RBPMS2: variants seen among roughly 807,000 people sequenced by gnomAD.
The protein encoded by RBPMS2 is RNA binding protein, mRNA processing factor 2, also known as RNA-binding protein with multiple splicing 2.
A neutral mutation model predicts 25.7 loss-of-function variants in RBPMS2; 14 were observed. That is an observed-to-expected ratio of 0.55 (90% CI 0.36 to 0.85). The LOEUF (loss-of-function observed/expected upper bound fraction) is 0.85, where lower values mean the gene tolerates loss of function less well. Ranked by LOEUF, RBPMS2 falls within the 40% of genes least tolerant of loss-of-function variation. The pLI is 0.01. For missense variants in RBPMS2, 252 were observed against 283.4 expected (o/e 0.89, Z 0.80); for synonymous variants, 127 against 115.6 (o/e 1.10, Z -0.63).
At chr15:64,766,475 C>T (rs1567070730) in intron 1 of RBPMS2, among the ~76,000 whole-genome samples, 3 of 151,454 alleles carry the variant, frequency 2.0e-5, no homozygotes, top group Non-Finnish European at 2.9e-5. Flanking sequence ...AGGCAGTGGA[C>T]GGGTTCTGGC....
intron 1 of RBPMS2, among the ~76,000 whole-genome samples, chr15:64,760,307 G>A (rs1334411052): frequency 6.6e-6 from 1 of 152,220 alleles, no homozygotes; most frequent in African/African-American, 2.4e-5. Flanking sequence ...CACCAGAAGC[G>A]TGTCTCCCTC....
intron 6 of RBPMS2, among the ~76,000 whole-genome samples, chr15:64,745,848 CTG>C (rs1213688059): frequency 2.0e-5 from 3 of 152,198 alleles, no homozygotes; most frequent in Admixed American, 2.0e-4. Context: ...GGCTGGGCTA[CTG>C]GCAAAGGGCA....
At chr15:64,743,886 CTT>C (rs763688996) in intron 6 of RBPMS2, among the ~76,000 whole-genome samples, 3 of 152,120 alleles carry the variant, frequency 2.0e-5, no homozygotes, top group African/African-American at 7.2e-5. Context: ...GGGCGGATCT[CTT>C]GAGCCCAGAA....
chr15:64,748,440 A>G lies in RBPMS2; in HGVS notation c.546T>C (p.Ala182=), dbSNP rs746509280. The G allele has an allele frequency of 1.2e-6, 2 of 1,613,998 alleles. No homozygotes were observed. The highest frequency in any genetic ancestry group is 1.7e-6 in the Non-Finnish European group (2 of 1,179,956). ...TTACCTGAGCGTGGAGGGCGGCGGC[A>G]GCGGCAGTGGCAGTTGGGTAGGTGA... ...AAFTYPTATA[A]AAALHAQVRW... is the part of the protein sequence containing the mutation. Residue 182 remains alanine (A), a synonymous_variant, in exon 6 of 8, where the codon GCT becomes GCC. Transcript: ENST00000300069.
At position 64,749,036 on chromosome 15, in the gene RBPMS2, G is replaced by C; in HGVS notation, c.382C>G (p.Pro128Ala). 1 of 1,614,180 alleles carries C rather than the reference G, an allele frequency of 6.2e-7. No homozygotes were observed. The highest frequency in any genetic ancestry group is 1.7e-5 in the Admixed American group (1 of 60,024). Residue 128 changes from proline to alanine, a missense_variant, in exon 5 of 8, where the codon CCC becomes GCC. Transcript: ENST00000300069. Reference sequence around the variant, plus strand: ...GCGATGAAGTGTGCTCCTAGGGCGGGGTGCACGTTGCTGGGATTTGGAGTT... The same window carrying C: ...GCGATGAAGTGTGCTCCTAGGGCGGCGTGCACGTTGCTGGGATTTGGAGTT... ...MATPNPSNVH[P>A]ALGAHFIARD...
At chr15:64,751,694 A>G in intron 1 of RBPMS2, 56 bp from the exon 2 acceptor site, 1 of 1,441,370 alleles carries the variant, frequency 6.9e-7, no homozygotes, top group Non-Finnish European at 9.8e-7. Flanking sequence ...CAGGGATGAC[A>G]ACAGCGCTTC....
At chr15:64,768,789 C>A (rs1264263191) in intron 1 of RBPMS2, among the ~76,000 whole-genome samples, 3 of 101,066 alleles carry the variant, frequency 3.0e-5, no homozygotes, top group African/African-American at 6.7e-5. Flanking sequence ...AACAGAGACC[C>A]CGTCTATAAA....
chr15:64,771,627 C>T (rs891851491), intron 1 of RBPMS2, among the ~76,000 whole-genome samples: 11 of 148,926 alleles, frequency 7.4e-5, no homozygotes, highest in South Asian at 2.1e-4. Context: ...GCCGAGATTG[C>T]GCCACTGCAC....
At chr15:64,744,792 TGTTTTG>T (rs2083600166) in intron 6 of RBPMS2, among the ~76,000 whole-genome samples, 5 of 71,596 alleles carry the variant, frequency 7.0e-5, no homozygotes, top group African/African-American at 3.0e-4. Context: ...TTTTTTGGTT[TGTTTTG>T]TTTTTTTTTT....
In RBPMS2 at chr15:64,748,442, CGGCAGT is replaced by C; in HGVS notation, c.538_543del (p.Thr180_Ala181del). On this transcript the variant is annotated inframe_deletion, in exon 6 of 8. Transcript: ENST00000300069. ...ACCTGAGCGTGGAGGGCGGCGGCAG[CGGCAGT>C]GGCAGTTGGGTAGGTGAACGCAGCA... The C allele has an allele frequency of 6.2e-7, 1 of 1,613,994 alleles. No homozygotes were observed. Among genetic ancestry groups the C allele is most frequent in the South Asian group, 1.1e-5 (1 of 91,076 alleles).
intron 1 of RBPMS2, 52 bp downstream of exon 1, chr15:64,775,181 G>C (rs2141084166): frequency 1.9e-6 from 2 of 1,039,612 alleles, no homozygotes; most frequent in Non-Finnish European, 2.4e-6. Context: ...GCCCTCTCCC[G>C]CGCCCGCCTG....
intron 2 of RBPMS2, among the ~76,000 whole-genome samples, chr15:64,751,335 G>GAA (rs68167030): frequency 0.72 from 104,608 of 144,888 alleles, 41,098 homozygotes; most frequent in East Asian, 0.95. Flanking sequence ...TCGTCTCGAG[G>GAA]AAAAAAAAAA....
At chr15:64,742,670 G>A (rs371004849) in intron 6 of RBPMS2, among the ~76,000 whole-genome samples, 9 of 152,218 alleles carry the variant, frequency 5.9e-5, no homozygotes, top group Non-Finnish European at 1.2e-4. Flanking sequence ...CTTGAGTTGC[G>A]GTTGGGGGAT....
intron 1 of RBPMS2, among the ~76,000 whole-genome samples, chr15:64,752,971 G>A (rs1375752758): frequency 1.3e-5 from 2 of 152,124 alleles, no homozygotes; most frequent in Non-Finnish European, 2.9e-5. Flanking sequence ...TAAACACTAG[G>A]TGTCCATCCT....
At chr15:64,769,187 G>A (rs1021131316) in intron 1 of RBPMS2, among the ~76,000 whole-genome samples, 6 of 150,434 alleles carry the variant, frequency 4.0e-5, no homozygotes, top group African/African-American at 1.5e-4. Flanking sequence ...TTTAGGTCAG[G>A]TGCAGTGGCT....
At chr15:64,771,269 C>T (rs934472169) in intron 1 of RBPMS2, among the ~76,000 whole-genome samples, 3 of 152,206 alleles carry the variant, frequency 2.0e-5, no homozygotes, top group African/African-American at 7.2e-5. Flanking sequence ...ATTACTATAA[C>T]TTAGTATCAC....
Position 64,748,777 on chromosome 15 carries a change from C to G in RBPMS2, c.419-210G>C, listed in dbSNP as rs114478574. Among the ~76,000 whole-genome samples, 1,349 of 152,158 alleles carry G rather than the reference C, an allele frequency of 8.9e-3. 19 individuals carry two copies. The highest frequency in any genetic ancestry group is 0.031 in the African/African-American group (1,268 of 41,500). On this transcript the variant is annotated intron_variant, in intron 5 of 7. Transcript: ENST00000300069. ...GCCTGCTTTAAGACAGGCCTCAGCT[C>G]GTCTCAAATGAGAAATTAAAGAAGG...
chr15:64,764,691 G>A (rs1313991151), intron 1 of RBPMS2, among the ~76,000 whole-genome samples: 9 of 151,960 alleles, frequency 5.9e-5, no homozygotes, highest in East Asian at 1.9e-4. Flanking sequence ...TGAGGCGGGC[G>A]GATCACGAAG....
At position 64,741,000 on chromosome 15, in the gene RBPMS2, C is replaced by G. The variant is rs1396229671; in HGVS notation, c.*8G>C. ...CAGAACCACCTCCCCGGTGACCAGA[C>G]CTGGAGGGAGGGAGAGAGGCGGCCG... On this transcript the variant is annotated splice_region_variant and 3_prime_UTR_variant, in exon 8 of 8. Coordinates refer to ENST00000300069, the MANE Select transcript of RBPMS2 (RefSeq NM_194272.3). 2 of 565,276 alleles carry G rather than the reference C, an allele frequency of 3.5e-6. No homozygotes were observed. The highest frequency in any genetic ancestry group is 6.3e-6 in the Non-Finnish European group (2 of 315,496). The allele number at this position is 565,276 out of a possible 1,614,324, so 35.0% of individuals were successfully genotyped here. A position where few individuals can be genotyped will look rare whatever the true frequency, so the allele number is the denominator to read the frequency against.
Sources: allele counts gnomAD v4.1 joint callset (sites outside exome capture counted in the v4.1 genomes callset), GRCh38; gene constraint gnomAD v4.1.1; transcripts MANE v1.5; gene names NCBI Gene and HGNC (gene_info 2026-07-23, HGNC 2026-07-21).